MID1: variants seen among roughly 807,000 people sequenced by gnomAD.
MID1 encodes E3 ubiquitin-protein ligase Midline-1.
Under a neutral mutation model 40.4 loss-of-function variants are expected in MID1, and 7 were observed. That is an observed-to-expected ratio of 0.17 (90% CI 0.10 to 0.33). The LOEUF is 0.33. Ranked by LOEUF, MID1 falls within the 10% of genes least tolerant of loss-of-function variation. The pLI is 1.00. For synonymous variants in MID1, 229 were observed against 221.2 expected, an observed-to-expected ratio of 1.04 and a Z score of -0.31; for missense variants, 367 against 558.5, an observed-to-expected ratio of 0.66 and a Z score of 3.46.
In MID1 at chrX:10,516,560, TTGTGTGTG is replaced by T. The variant is rs57101806; in HGVS notation, c.756+6524_756+6531del. Among the ~76,000 whole-genome samples the T allele has an allele frequency of 8.8e-3, 646 of 73,303 alleles. 5 individuals are homozygous for T. Among genetic ancestry groups the T allele is most frequent in the South Asian group, 0.016 (17 of 1,092 alleles). 63.7% of individuals were successfully genotyped at this position (73,303 alleles called of 115,157 possible). ...CTGTCTTGGCCTTCATACTCTGCTC[TTGTGTGTG>T]TGTGTGTGTGTGTGTGTGTGTGTGT... On this transcript the variant is annotated intron_variant, in intron 3 of 9. Coordinates refer to ENST00000317552, the MANE Select transcript of MID1 (RefSeq NM_000381.4).
At chrX:10,706,241 G>A (rs1257178563) in intron 1 of MID1, among the ~76,000 whole-genome samples, 3 of 111,405 alleles carry the variant, frequency 2.7e-5, no homozygotes, top group East Asian at 2.8e-4. Flanking sequence ...AACATTAAGA[G>A]GTTTGTGCCT....
intron 1 of MID1, among the ~76,000 whole-genome samples, chrX:10,617,296 T>A (rs1274698473): frequency 2.7e-5 from 3 of 111,963 alleles, no homozygotes; most frequent in Non-Finnish European, 5.6e-5. Context: ...TGGCAGAGAA[T>A]AAATAGATCG....
intron 1 of MID1, chrX:10,589,527 G>A (rs907078904): frequency 2.7e-5 from 3 of 111,927 alleles, no homozygotes; most frequent in African/African-American, 6.5e-5. Context: ...GGCATGCCGT[G>A]GGTGATCAGA....
chrX:10,615,375 T>C (rs1317483825), intron 1 of MID1, among the ~76,000 whole-genome samples: 1 of 111,956 alleles, frequency 8.9e-6, no homozygotes, highest in African/African-American at 3.2e-5. Context: ...ATTCTGTGAG[T>C]GCTCAGTAAA....
chrX:10,657,313 T>C (rs2042881407), intron 1 of MID1, among the ~76,000 whole-genome samples: 1 of 111,742 alleles, frequency 8.9e-6, no homozygotes, highest in Admixed American at 9.5e-5. Context: ...GCCCTTGAAA[T>C]TTTGTCTCAA....
chrX:10,698,819 G>T (rs2043177597), intron 1 of MID1, among the ~76,000 whole-genome samples: 1 of 110,256 alleles, frequency 9.1e-6, no homozygotes, highest in Non-Finnish European at 1.9e-5. Flanking sequence ...CTTTGTGAAA[G>T]TGTCCCCTCT....
rs973332712 is a variant in MID1, at chrX:10,502,832, A to T, written c.757-7141T>A. ...CATTTTTATACATGATGCTAGGTTG[A>T]TGTTCTTGTTATTGTTTAGACTCAA... On this transcript the variant is annotated intron_variant, in intron 3 of 9. Transcript: ENST00000317552. Among the ~76,000 whole-genome samples the T allele has an allele frequency of 2.7e-5, 3 of 112,134 alleles. No individual in the cohort carries two copies. The East Asian group carries it at 8.4e-4, about 31-fold the overall frequency.
intron 1 of MID1, among the ~76,000 whole-genome samples, chrX:10,703,501 A>T (rs1306964148): frequency 9.0e-6 from 1 of 111,186 alleles, no homozygotes; most frequent in Non-Finnish European, 1.9e-5. Context: ...CCCCATCACT[A>T]CTAAAAATAC....
intron 4 of MID1, among the ~76,000 whole-genome samples, chrX:10,483,431 C>T (rs368115828): frequency 2.6e-4 from 29 of 111,964 alleles, no homozygotes; most frequent in African/African-American, 7.8e-4. Context: ...CCATAACCTC[C>T]GGGGCAGGCC....
chrX:10,645,738 G>A (rs772086594), intron 1 of MID1, among the ~76,000 whole-genome samples: 12 of 111,970 alleles, frequency 1.1e-4, no homozygotes, highest in African/African-American at 3.9e-4. Context: ...GCTTTAACCA[G>A]TTTCCCTTGG....
At chrX:10,472,711 C>T (rs1929779400) in intron 6 of MID1, among the ~76,000 whole-genome samples, 1 of 112,151 alleles carries the variant, frequency 8.9e-6, no homozygotes, top group South Asian at 3.8e-4. Context: ...TCCATCGTTT[C>T]CCCTCCACCC....
At chrX:10,680,120 A>G (rs1010025642) in intron 1 of MID1, among the ~76,000 whole-genome samples, 4 of 112,126 alleles carry the variant, frequency 3.6e-5, no homozygotes, top group African/African-American at 1.3e-4. Flanking sequence ...CCTATTCTCC[A>G]CAACCAGTTA....
chrX:10,774,136 T>G (rs2043787497), intron 1 of MID1, among the ~76,000 whole-genome samples: 2 of 111,029 alleles, frequency 1.8e-5, no homozygotes, highest in African/African-American at 3.3e-5. Flanking sequence ...GCTATTGAAG[T>G]TCCAAATTAC....
intron 2 of MID1, among the ~76,000 whole-genome samples, chrX:10,551,176 A>AT (rs1933894994): frequency 8.9e-6 from 1 of 112,356 alleles, no homozygotes; most frequent in Admixed American, 9.4e-5. Context: ...TTGTTTAGAG[A>AT]TTTTTTAAAA....
chrX:10,570,887 T>A (rs959828699), intron 1 of MID1, among the ~76,000 whole-genome samples: 1 of 112,490 alleles, frequency 8.9e-6, no homozygotes, highest in African/African-American at 3.2e-5. Flanking sequence ...TAGAGGCATA[T>A]ACAGATAACC....
intron 1 of MID1, among the ~76,000 whole-genome samples, chrX:10,631,050 G>A (rs957431350): frequency 3.6e-5 from 4 of 111,233 alleles, no homozygotes; most frequent in Non-Finnish European, 7.5e-5. Context: ...AAGGTCCAGG[G>A]ATATTTGGAT....
chrX:10,709,872 G>A (rs1035044331), intron 1 of MID1, among the ~76,000 whole-genome samples: 3 of 111,986 alleles, frequency 2.7e-5, no homozygotes, highest in African/African-American at 9.7e-5. Context: ...CAAACTTCAG[G>A]AAAGGAAGTG....
chrX:10,473,671 C>A (rs762140922), intron 6 of MID1, among the ~76,000 whole-genome samples: 1 of 112,395 alleles, frequency 8.9e-6, no homozygotes, highest in African/African-American at 3.2e-5. Flanking sequence ...AAGTTAGAGA[C>A]GTGGTCTCTT....
At chrX:10,735,614 T>C (rs2147105797) in intron 1 of MID1, among the ~76,000 whole-genome samples, 1 of 112,729 alleles carries the variant, frequency 8.9e-6, no homozygotes, top group East Asian at 2.8e-4. Flanking sequence ...TGTTTAAATT[T>C]CTTATCCTTC....
Sources: allele counts gnomAD v4.1 joint callset (sites outside exome capture counted in the v4.1 genomes callset), GRCh38; gene constraint gnomAD v4.1.1; transcripts MANE v1.5; gene names NCBI Gene and HGNC (gene_info 2026-07-23, HGNC 2026-07-21).